Variants in DYTN observed in about 807,000 individuals in gnomAD.
DYTN encodes dystrotelin.
A neutral mutation model predicts 69.6 loss-of-function variants in DYTN; 75 were observed. That is an observed-to-expected ratio of 1.08 (90% CI 0.89 to 1.31). The LOEUF is 1.31. Among genes scored for constraint, DYTN ranks in the 50% most tolerant of loss-of-function variants. The pLI is 0.00. For missense variants in DYTN, 726 were observed against 688.4 expected (o/e 1.05, Z -0.61); for synonymous variants, 252 against 249.1 (o/e 1.01, Z -0.11).
intron 9 of DYTN, among the ~76,000 whole-genome samples, chr2:206,683,746 C>T (rs1356378132): frequency 3.9e-5 from 6 of 152,116 alleles, no homozygotes; most frequent in African/African-American, 1.4e-4. Context: ...ACCGCAATTA[C>T]TTTTGCACCA....
intron 7 of DYTN, among the ~76,000 whole-genome samples, chr2:206,696,301 G>A (rs1163476338): frequency 5.3e-5 from 8 of 152,182 alleles, no homozygotes; most frequent in African/African-American, 1.7e-4. Context: ...GAATAACAGC[G>A]GGAAAACACC....
chr2:206,651,987 T>G, intron 11 of DYTN, 66 bp from the exon 12 acceptor site: 2 of 1,441,388 alleles, frequency 1.4e-6, no homozygotes, highest in Non-Finnish European at 1.9e-6. Flanking sequence ...AAGATATTGA[T>G]AAAGCTCTCA....
rs141358250 is a variant in DYTN at position 206,654,372 on chromosome 2, A to G, written c.1634-2451T>C. Among the ~76,000 whole-genome samples, 134 of 152,314 alleles carry G rather than the reference A, an allele frequency of 8.8e-4. 1 individual carries two copies. The highest frequency in any genetic ancestry group is 2.7e-3 in the African/African-American group (113 of 41,576). ...GAAGATGATGAGGATGAAGATCTTT[A>G]TGATGATCTACTTCCAGTTAATGAA... On this transcript the variant is annotated intron_variant, in intron 11 of 11. Transcript: ENST00000452335.
At chr2:206,700,336 C>G (rs545491787) in intron 5 of DYTN, 120 bp from the exon 6 acceptor site, 2 of 1,049,304 alleles carry the variant, frequency 1.9e-6, no homozygotes, top group Non-Finnish European at 2.9e-6. Context: ...GTATCTGAGA[C>G]GAGGTGAACT....
At chr2:206,658,505 G>C (rs879274360) in intron 11 of DYTN, among the ~76,000 whole-genome samples, 1 of 151,722 alleles carries the variant, frequency 6.6e-6, no homozygotes, top group Non-Finnish European at 1.5e-5. Flanking sequence ...GATTCTCGGG[G>C]GCTGTTCAAA....
intron 3 of DYTN, among the ~76,000 whole-genome samples, chr2:206,706,597 T>A (rs2105901260): frequency 6.6e-6 from 1 of 152,290 alleles, no homozygotes; most frequent in East Asian, 1.9e-4. Context: ...GATAATGTAT[T>A]TCTTCTTCTT....
In DYTN at chr2:206,691,657, T is replaced by C. The variant is rs931192007; in HGVS notation, c.980+1518A>G. The stretch of plus-strand genomic sequence containing the variant: ...ATACATCAAGATGATATCCAAATTA[T>C]CTAACTTTAATCATATATTGATTAA... On this transcript the variant is annotated intron_variant, in intron 9 of 11. Coordinates refer to ENST00000452335, the MANE Select transcript of DYTN (RefSeq NM_001093730.1). Among the ~76,000 whole-genome samples, 7 of 152,230 alleles carry C rather than the reference T, an allele frequency of 4.6e-5. No individual in the cohort carries two copies. The South Asian group carries it at 1.4e-3, about 31-fold the overall frequency.
chr2:206,700,396 G>A (rs1699964914), intron 5 of DYTN, among the ~76,000 whole-genome samples, 180 bp from the exon 6 acceptor site: 1 of 152,122 alleles, frequency 6.6e-6, no homozygotes, highest in East Asian at 1.9e-4. Context: ...GCAATGTTTG[G>A]GTTAAGACAA....
At chr2:206,713,533 G>T (rs68002129) in intron 1 of DYTN, among the ~76,000 whole-genome samples, 5 of 152,062 alleles carry the variant, frequency 3.3e-5, no homozygotes, top group African/African-American at 4.8e-5. Flanking sequence ...GCGCTGGGGG[G>T]ATGGCCATGT....
intron 9 of DYTN, among the ~76,000 whole-genome samples, chr2:206,685,384 A>G (rs1699795497): frequency 6.6e-6 from 1 of 151,850 alleles, no homozygotes; most frequent in Admixed American, 6.6e-5. Flanking sequence ...GCTGGTCTCG[A>G]ACTCCTGGGG....
At chr2:206,691,151 A>T (rs1482393335) in intron 9 of DYTN, among the ~76,000 whole-genome samples, 1 of 152,110 alleles carries the variant, frequency 6.6e-6, no homozygotes, top group Non-Finnish European at 1.5e-5. Flanking sequence ...GGTGGCTCAC[A>T]CCTGTAATCC....
At chr2:206,703,280 C>T (rs1015114175) in intron 5 of DYTN, among the ~76,000 whole-genome samples, 1 of 152,186 alleles carries the variant, frequency 6.6e-6, no homozygotes, top group Non-Finnish European at 1.5e-5. Flanking sequence ...CTTCTAAGCA[C>T]TCCAGTCTCA....
At chr2:206,686,949 G>A (rs1175374854) in intron 9 of DYTN, 1 of 154,804 alleles carries the variant, frequency 6.5e-6, no homozygotes, top group Non-Finnish European at 1.4e-5. Flanking sequence ...CCCTCCTGAG[G>A]AGCAGAGTGG....
intron 9 of DYTN, among the ~76,000 whole-genome samples, chr2:206,688,985 T>C (rs148616758): frequency 6.6e-6 from 1 of 152,358 alleles, no homozygotes; most frequent in Admixed American, 6.5e-5. Flanking sequence ...TTAATTCTAG[T>C]AATTTTTGCT....
In DYTN at chr2:206,699,843, T is replaced by C. The variant is rs569938959; in HGVS notation, c.603A>G (p.Gln201=). 6.2e-6 allele frequency: 10 copies of C among 1,613,760 alleles called. No homozygotes were observed. In the Middle Eastern group the frequency reaches 5.0e-4, roughly 80 times the overall value. Reference sequence around the variant, plus strand: ...GCCACAGGAGGATGGGAGGCTCAGATTGGACCCAAGACAGGAATTTTTCTT... The same window carrying C: ...GCCACAGGAGGATGGGAGGCTCAGACTGGACCCAAGACAGGAATTTTTCTT... ...IKEEKFLSWV[Q]SEPPILLWLP... The change falls in exon 7 of 12, where the codon CAA becomes CAG. Residue 201 remains glutamine (Q), a synonymous_variant. Coordinates refer to ENST00000452335, the MANE Select transcript of DYTN (RefSeq NM_001093730.1).
At chr2:206,695,997 C>T (rs13022102) in intron 7 of DYTN, among the ~76,000 whole-genome samples, 9,289 of 152,204 alleles carry the variant, frequency 0.061, 412 homozygotes, top group Non-Finnish European at 0.082. Flanking sequence ...TCATATCTTG[C>T]GGCAAAACTT....
rs111903185 is a variant in DYTN, at chr2:206,695,048, G to A, written c.720-171C>T. Among the ~76,000 whole-genome samples the A allele has an allele frequency of 6.6e-3, 1,005 of 152,158 alleles. 3 individuals are homozygous for A. The highest frequency in any genetic ancestry group is 0.011 in the African/African-American group (459 of 41,486). On this transcript the variant is annotated intron_variant, in intron 7 of 11. Transcript: ENST00000452335. ...TAGGATTATTAAATGACTCTAATGC[G>A]TTTGTTTACTCAAATACATCTTCAT...
chr2:206,653,673 G>C (rs1411805376), intron 11 of DYTN, among the ~76,000 whole-genome samples: 1 of 152,172 alleles, frequency 6.6e-6, no homozygotes, highest in Non-Finnish European at 1.5e-5. Context: ...AATTAAGCAA[G>C]CCAATATGTA....
At chr2:206,691,537 G>T (rs1048464958) in intron 9 of DYTN, among the ~76,000 whole-genome samples, 1 of 151,988 alleles carries the variant, frequency 6.6e-6, no homozygotes, top group Non-Finnish European at 1.5e-5. Context: ...CCTAGTGAAA[G>T]GTAAAAATAG....
Sources: allele counts gnomAD v4.1 joint callset (sites outside exome capture counted in the v4.1 genomes callset), GRCh38; gene constraint gnomAD v4.1.1; transcripts MANE v1.5; gene names NCBI Gene and HGNC (gene_info 2026-07-23, HGNC 2026-07-21).